Variants in ENTPD7 observed in about 807,000 individuals in gnomAD.
ENTPD7 encodes NTPDase 7.
In ENTPD7, 53 loss-of-function variants were observed where a neutral mutation model predicts 77.9. That is an observed-to-expected ratio of 0.68 (90% confidence interval 0.55 to 0.85). ENTPD7 has a LOEUF of 0.85. Ranked by LOEUF, ENTPD7 falls within the 40% of genes least tolerant of loss-of-function variation. The pLI, the probability that ENTPD7 is intolerant of heterozygous loss-of-function variation, is 0.00. For synonymous variants in ENTPD7, 248 were observed against 274.9 expected, an observed-to-expected ratio of 0.90 and a Z score of 0.97; for missense variants, 636 against 743.7, an observed-to-expected ratio of 0.86 and a Z score of 1.68.
In ENTPD7 at chr10:99,704,724, G is replaced by C. The variant is rs1564638360; in HGVS notation, c.*41G>C. The C allele has an allele frequency of 1.3e-6, 2 of 1,550,366 alleles. No homozygotes were observed. Among genetic ancestry groups the C allele is most frequent in the South Asian group, 1.2e-5 (1 of 86,918 alleles). ...AGAGAAGCTTGAGCACCCCCGAGTT[G>C]CTGCTCATTGAATTCCTCCACTTTC... is the stretch of plus-strand genomic sequence containing the variant. On this transcript the variant is annotated 3_prime_UTR_variant, in exon 13 of 13. Transcript: ENST00000370489.
chr10:99,696,975 C>A, intron 9 of ENTPD7, among the ~76,000 whole-genome samples: 1 of 152,276 alleles, frequency 6.6e-6, no homozygotes, highest in African/African-American at 2.4e-5. Context: ...AAGGGCAGGG[C>A]TGATACTAAG....
rs767625155 is a variant in ENTPD7 at position 99,704,499 on chromosome 10, G to A, written c.1631G>A (p.Arg544His). The A allele has an allele frequency of 1.2e-5, 20 of 1,614,092 alleles. No individual in the cohort carries two copies. Among genetic ancestry groups the A allele is most frequent in the Admixed American group, 1.0e-4 (6 of 60,008 alleles). ...CGACAAGCCCATGGTAGCTGGTTCC[G>A]TCTCTCCTTTGTATACAACCACTAT... ...GVRQAHGSWF[R>H]LSFVYNHYLF... The change falls in exon 13 of 13, where the codon CGT becomes CAT. Residue 544 changes from arginine (R) to histidine (H), a missense_variant. Physicochemically the swap from Arg to His is conservative, Grantham distance 29. Coordinates refer to ENST00000370489, the MANE Select transcript of ENTPD7 (RefSeq NM_020354.5).
At chr10:99,685,438 A>G (rs1385936116) in intron 5 of ENTPD7, among the ~76,000 whole-genome samples, 1 of 152,136 alleles carries the variant, frequency 6.6e-6, no homozygotes, top group African/African-American at 2.4e-5. Flanking sequence ...AATTACATCA[A>G]TTTTATAGTT....
Position 99,704,494 on chromosome 10 carries a change from G to A in ENTPD7, c.1626G>A (p.Trp542Ter). 1 of 1,614,210 alleles carries A rather than the reference G, an allele frequency of 6.2e-7. No individual in the cohort carries two copies. The highest frequency in any genetic ancestry group is 8.5e-7 in the Non-Finnish European group (1 of 1,180,032). ...GTGTCCGACAAGCCCATGGTAGCTG[G>A]TTCCGTCTCTCCTTTGTATACAACC... ...QEGVRQAHGS[W>*]FRLSFVYNHY... Residue 542 changes from tryptophan to a stop codon, truncating the protein, a stop_gained, in exon 13 of 13, where the codon TGG becomes TGA. Coordinates refer to ENST00000370489, the MANE Select transcript of ENTPD7 (RefSeq NM_020354.5). LOFTEE classifies it high-confidence loss of function.
chr10:99,679,383 A>G lies in ENTPD7; in HGVS notation c.314A>G (p.His105Arg). 1 of 1,614,228 alleles carries G rather than the reference A, an allele frequency of 6.2e-7. No homozygotes were observed. Among genetic ancestry groups the G allele is most frequent in the Non-Finnish European group, 8.5e-7 (1 of 1,180,050 alleles). Reference protein sequence around the residue: ...SRIFVYFWPRHNGNPHDLLDI... With the variant: ...SRIFVYFWPRRNGNPHDLLDI... ...ATTTTTGTTTATTTCTGGCCAAGACATAATGGGAACCCCCATGACTTGCTG... is the reference window on the plus strand; with the variant it reads ...ATTTTTGTTTATTTCTGGCCAAGACGTAATGGGAACCCCCATGACTTGCTG... Residue 105 changes from histidine (H) to arginine (R), a missense_variant, in exon 4 of 13, where the codon CAT (histidine) becomes CGT (arginine). Physicochemically the swap from His to Arg is conservative, Grantham distance 29. Around this residue, in one of 3 missense-constraint regions of ENTPD7, gnomAD observed 486 missense variants for 556.5 expected, o/e 0.87. Transcript: ENST00000370489.
intron 5 of ENTPD7, among the ~76,000 whole-genome samples, chr10:99,680,565 A>C (rs952321485): frequency 1.3e-5 from 2 of 152,078 alleles, no homozygotes; most frequent in Middle Eastern, 3.4e-3. Flanking sequence ...AGCATACAAC[A>C]TGAGAGCTAC....
chr10:99,682,881 T>G (rs758791582), intron 5 of ENTPD7, among the ~76,000 whole-genome samples: 10 of 152,170 alleles, frequency 6.6e-5, no homozygotes, highest in Non-Finnish European at 1.5e-4. Context: ...ATTGACCAGC[T>G]GAGCTGGGCA....
intron 11 of ENTPD7, 58 bp from the exon 12 acceptor site, chr10:99,702,454 A>G: frequency 1.4e-6 from 2 of 1,436,902 alleles, no homozygotes; most frequent in Non-Finnish European, 1.9e-6. Flanking sequence ...CTTATTGCAA[A>G]GGAAAGTATT....
At chr10:99,663,561 G>A (rs996761846) in intron 3 of ENTPD7, among the ~76,000 whole-genome samples, 4 of 151,354 alleles carry the variant, frequency 2.6e-5, no homozygotes, top group Non-Finnish European at 5.9e-5. Flanking sequence ...CTGGGCTCAA[G>A]CTATCTTCCT....
chr10:99,702,207 G>T (rs541534319), intron 11 of ENTPD7, among the ~76,000 whole-genome samples: 3 of 151,894 alleles, frequency 2.0e-5, no homozygotes, highest in African/African-American at 7.3e-5. Flanking sequence ...ACTTCAACTG[G>T]GTTGTTTTGA....
chr10:99,681,183 G>A (rs976828666), intron 5 of ENTPD7, among the ~76,000 whole-genome samples: 4 of 152,162 alleles, frequency 2.6e-5, no homozygotes, highest in Non-Finnish European at 5.9e-5. Flanking sequence ...GAACATGGGA[G>A]GGCTCATATC....
rs1395515470 is a variant in ENTPD7, at chr10:99,672,172, CA to C, written c.192-7088del. Among the ~76,000 whole-genome samples, 4 of 152,148 alleles carry C rather than the reference CA, an allele frequency of 2.6e-5. No individual in the cohort carries two copies. In the South Asian group the frequency reaches 6.2e-4, roughly 24 times the overall value. Reference sequence around the variant, plus strand: ...AAATTTCTTTTTTTATTTTTAGAGACAGGGGTCTCACTATGTTGCCCAGGTT... The same window carrying C: ...AAATTTCTTTTTTTATTTTTAGAGACGGGGTCTCACTATGTTGCCCAGGTT... On this transcript the variant is annotated intron_variant, in intron 3 of 12. Coordinates refer to ENST00000370489, the MANE Select transcript of ENTPD7 (RefSeq NM_020354.5).
rs189787544 is a variant in ENTPD7, at chr10:99,695,351, G to A, written c.844-605G>A. Reference sequence around the variant, plus strand: ...CATCCTGGCCAACATGGTGAAACCCGTCTCCACTAAAAATACAAAAATTAG... The same window carrying A: ...CATCCTGGCCAACATGGTGAAACCCATCTCCACTAAAAATACAAAAATTAG... On this transcript the variant is annotated intron_variant, in intron 8 of 12. Transcript: ENST00000370489. Among the ~76,000 whole-genome samples, 12 of 152,060 alleles carry A rather than the reference G, an allele frequency of 7.9e-5. No homozygotes were observed. In the South Asian group the frequency reaches 1.3e-3, roughly 16 times the overall value.
intron 3 of ENTPD7, among the ~76,000 whole-genome samples, chr10:99,677,901 TAGAAAGCAATAGAGCTGA>T (rs2035705231): frequency 1.3e-5 from 2 of 152,136 alleles, no homozygotes; most frequent in African/African-American, 2.4e-5. Flanking sequence ...TCACACAGCA[TAGAAAGCAATAGAGCTGA>T]GATTCAAACC....
intron 5 of ENTPD7, among the ~76,000 whole-genome samples, chr10:99,684,188 A>G (rs1391760722): frequency 6.6e-6 from 1 of 152,074 alleles, no homozygotes; most frequent in African/African-American, 2.4e-5. Flanking sequence ...CCCGAGTGGG[A>G]TTACAGGTGT....
intron 7 of ENTPD7, among the ~76,000 whole-genome samples, chr10:99,689,870 C>T (rs1374238146): frequency 6.6e-6 from 1 of 152,110 alleles, no homozygotes; most frequent in Non-Finnish European, 1.5e-5. Flanking sequence ...ATGTAATGAA[C>T]TTTTCTTGAT....
At position 99,704,562 on chromosome 10, in the gene ENTPD7, T is replaced by A. The variant is rs761788182; in HGVS notation, c.1694T>A (p.Ile565Asn). 2.5e-6 allele frequency: 4 copies of A among 1,614,192 alleles called. No homozygotes were observed. In the South Asian group the frequency reaches 4.4e-5, roughly 18 times the overall value. Residue 565 changes from isoleucine (I) to asparagine (N), a missense_variant, in exon 13 of 13, where the codon ATC becomes AAC. Ile to Asn is a moderately radical substitution (Grantham distance 149, BLOSUM62 -3). This residue lies in a region of ENTPD7 where 138 missense variants were observed against 150.9 expected (regional missense o/e 0.91). Coordinates refer to ENST00000370489, the MANE Select transcript of ENTPD7 (RefSeq NM_020354.5). ...TGTATCCTGGTGGTGCTACTGGCCA[T>A]CTTCCTATACCTTCTGCGGCTACGC... ...FACILVVLLA[I>N]FLYLLRLRRI...
intron 11 of ENTPD7, among the ~76,000 whole-genome samples, chr10:99,701,974 A>C (rs1350089167): frequency 6.6e-6 from 1 of 151,994 alleles, no homozygotes; most frequent in Non-Finnish European, 1.5e-5. Flanking sequence ...GCTTGAACCC[A>C]GGAGGTGGAG....
At chr10:99,685,716 T>A in intron 5 of ENTPD7, 76 bp from the exon 6 acceptor site, 3 of 1,034,856 alleles carry the variant, frequency 2.9e-6, no homozygotes, top group Admixed American at 1.8e-5. Flanking sequence ...CAAGGCTAAG[T>A]AGAAGGACAA....
Sources: gnomAD v4.1 joint callset for allele counts (sites outside exome capture counted in the v4.1 genomes callset) on GRCh38, gnomAD v4.1.1 for gene constraint, gnomAD v4.1.1 regional missense constraint, MANE v1.5 for transcripts, NCBI Gene and HGNC (gene_info 2026-07-23, HGNC 2026-07-21) for gene names.